Variants in DAB1 observed in about 807,000 individuals in gnomAD.
The protein encoded by DAB1 is DAB adaptor protein 1, also known as disabled homolog 1.
DAB1 carries 15 observed loss-of-function variants against 64.6 expected under a neutral mutation model. The observed-to-expected ratio is 0.23, with a 90% CI of 0.16 to 0.36. DAB1 has a LOEUF of 0.36. DAB1 is among the 10% of genes least tolerant of loss of function. The pLI is 1.00. For synonymous variants in DAB1, 235 were observed against 251.9 expected (o/e 0.93, Z 0.64); for missense variants, 596 against 706.7 (o/e 0.84, Z 1.78).
intron 7 of DAB1, among the ~76,000 whole-genome samples, chr1:57,474,183 C>G (rs555634679): frequency 6.6e-6 from 1 of 152,208 alleles, no homozygotes; most frequent in East Asian, 1.9e-4. Flanking sequence ...AGCTGGAGAA[C>G]TTGTACTTTT....
At chr1:57,327,386 C>A (rs1418737145) in intron 1 of DAB1, among the ~76,000 whole-genome samples, 4 of 152,126 alleles carry the variant, frequency 2.6e-5, no homozygotes, top group African/African-American at 4.8e-5. Context: ...ACTGCACACA[C>A]CACCGTTCTG....
intron 1 of DAB1, among the ~76,000 whole-genome samples, chr1:57,377,056 G>A (rs1266583437): frequency 6.6e-6 from 1 of 152,146 alleles, no homozygotes; most frequent in African/African-American, 2.4e-5. Context: ...GATCACTTGA[G>A]TTCAGGAATT....
At chr1:57,573,964 C>T (rs1421985923) in intron 7 of DAB1, among the ~76,000 whole-genome samples, 1 of 152,182 alleles carries the variant, frequency 6.6e-6, no homozygotes, top group African/African-American at 2.4e-5. Context: ...TCTCACAACT[C>T]ATGTGGCTTG....
chr1:58,263,955 T>TA (rs1661104935), intron 4 of DAB1, among the ~76,000 whole-genome samples: 1 of 152,348 alleles, frequency 6.6e-6, no homozygotes, highest in East Asian at 1.9e-4. Flanking sequence ...AATTTCTGGG[T>TA]AATTCCTGGA....
chr1:58,462,246 C>T (rs1645251337), intron 3 of DAB1, among the ~76,000 whole-genome samples: 1 of 151,836 alleles, frequency 6.6e-6, no homozygotes, highest in Admixed American at 6.6e-5. Flanking sequence ...CCTGCCTCAG[C>T]CTCCCGAGCA....
At chr1:58,201,056 G>A (rs1012714373) in intron 4 of DAB1, among the ~76,000 whole-genome samples, 5 of 149,396 alleles carry the variant, frequency 3.3e-5, no homozygotes, top group Admixed American at 6.7e-5. Context: ...TCGCTCTGTC[G>A]CCCAGGCTGG....
Position 57,299,885 on chromosome 1 carries a change from C to T in DAB1, c.-136-8719G>A, listed in dbSNP as rs1570208912. Among the ~76,000 whole-genome samples, 4 of 152,164 alleles carry T rather than the reference C, an allele frequency of 2.6e-5. No homozygotes were observed. In the South Asian group the frequency reaches 8.3e-4, roughly 32 times the overall value. On this transcript the variant is annotated intron_variant, in intron 1 of 14. Coordinates refer to ENST00000371236, the MANE Select transcript of DAB1 (RefSeq NM_001365792.1). ...GTAAAATGGGAATACCTTTTTATCT[C>T]GCTGGGCTTACAGGAGACCAAAATG...
intron 5 of DAB1, among the ~76,000 whole-genome samples, chr1:58,118,589 T>A (rs1425537579): frequency 9.8e-4 from 88 of 89,618 alleles, no homozygotes; most frequent in Non-Finnish European, 1.3e-3. Flanking sequence ...CATATATATA[T>A]AAAATACTAT....
intron 5 of DAB1, among the ~76,000 whole-genome samples, chr1:58,134,063 A>G (rs1397798275): frequency 5.9e-5 from 9 of 152,126 alleles, no homozygotes; most frequent in Admixed American, 5.9e-4. Flanking sequence ...TTTGAGCCTC[A>G]TTTTCCTTAG....
chr1:57,655,534 T>C (rs994760323), intron 6 of DAB1, among the ~76,000 whole-genome samples: 3 of 152,198 alleles, frequency 2.0e-5, no homozygotes, highest in Admixed American at 1.3e-4. Context: ...CAAACACTGA[T>C]TTGAACACTG....
chr1:57,506,923 C>T (rs1248838949), intron 7 of DAB1, among the ~76,000 whole-genome samples: 1 of 152,208 alleles, frequency 6.6e-6, no homozygotes, highest in African/African-American at 2.4e-5. Flanking sequence ...TCCATTCCCA[C>T]TGCTTCTACC....
intron 5 of DAB1, among the ~76,000 whole-genome samples, chr1:57,991,913 G>T (rs1646348134): frequency 6.6e-6 from 1 of 150,768 alleles, no homozygotes; most frequent in South Asian, 2.1e-4. Flanking sequence ...GATGGTGGAA[G>T]GGAGATTGGA....
intron 3 of DAB1, among the ~76,000 whole-genome samples, chr1:58,455,467 T>C (rs954838889): frequency 1.3e-5 from 2 of 152,172 alleles, no homozygotes; most frequent in Non-Finnish European, 2.9e-5. Flanking sequence ...GCACTGGCCA[T>C]TGGAACTTGG....
chr1:58,363,663 G>A (rs561180724), intron 3 of DAB1, among the ~76,000 whole-genome samples: 1 of 152,192 alleles, frequency 6.6e-6, no homozygotes, highest in Non-Finnish European at 1.5e-5. Context: ...AATCAACTGT[G>A]TCCATGCATA....
chr1:57,542,771 C>T (rs1039684156), intron 7 of DAB1, among the ~76,000 whole-genome samples: 7 of 152,090 alleles, frequency 4.6e-5, no homozygotes, highest in African/African-American at 1.7e-4. Context: ...TGCTAGTATT[C>T]ATATTCTCAT....
chr1:57,719,142 G>A (rs1295330389), intron 6 of DAB1, among the ~76,000 whole-genome samples: 3 of 152,302 alleles, frequency 2.0e-5, no homozygotes, highest in South Asian at 2.1e-4. Flanking sequence ...TTCCATGGCC[G>A]CTGAGTGAAT....
intron 5 of DAB1, among the ~76,000 whole-genome samples, chr1:57,964,016 C>T (rs1036269058): frequency 3.3e-5 from 5 of 152,186 alleles, no homozygotes; most frequent in African/African-American, 7.2e-5. Context: ...ACAGTAAAAT[C>T]ACATATCCCC....
intron 5 of DAB1, chr1:58,056,023 C>T (rs1010132437): frequency 3.4e-5 from 26 of 766,390 alleles, no homozygotes; most frequent in African/African-American, 5.3e-5. Context: ...CAGGTGTGAG[C>T]CACCGTGCCT....
At chr1:57,097,282 T>C (rs1654249794) in intron 4 of DAB1, among the ~76,000 whole-genome samples, 1 of 152,186 alleles carries the variant, frequency 6.6e-6, no homozygotes, top group Admixed American at 6.5e-5. Flanking sequence ...AAAATATCAA[T>C]GACCAATATT....
Sources: allele counts gnomAD v4.1 joint callset (sites outside exome capture counted in the v4.1 genomes callset), GRCh38; gene constraint gnomAD v4.1.1; transcripts MANE v1.5; gene names NCBI Gene and HGNC (gene_info 2026-07-23, HGNC 2026-07-21).